Variants in COL4A6 observed in about 807,000 individuals in gnomAD.
COL4A6 encodes collagen alpha-6(IV) chain.
COL4A6 carries 59 observed loss-of-function variants against 126.7 expected under a neutral mutation model. That is an observed-to-expected ratio of 0.47 (90% CI 0.38 to 0.58). The LOEUF (loss-of-function observed/expected upper bound fraction) is 0.58, where lower values mean the gene tolerates loss of function less well. Ranked by LOEUF, COL4A6 falls within the 20% of genes least tolerant of loss-of-function variation. COL4A6 has a pLI of 0.00. For missense variants in COL4A6, 1,285 were observed against 1,337.3 expected, an observed-to-expected ratio of 0.96 and a Z score of 0.61; for synonymous variants, 547 against 496.6, an observed-to-expected ratio of 1.10 and a Z score of -1.35.
intron 2 of COL4A6, among the ~76,000 whole-genome samples, chrX:108,355,670 T>C (rs1569440564): frequency 8.9e-6 from 1 of 112,035 alleles, no homozygotes; most frequent in Non-Finnish European, 1.9e-5. Flanking sequence ...GGACAGGGAA[T>C]GCCTCCCTGA....
chrX:108,351,262 T>G (rs1317093927), intron 2 of COL4A6, among the ~76,000 whole-genome samples: 4 of 111,671 alleles, frequency 3.6e-5, no homozygotes, highest in African/African-American at 1.3e-4. Flanking sequence ...ATGCTAACAG[T>G]GGCTATTTTC....
At chrX:108,236,481 G>C (rs901080924) in intron 3 of COL4A6, among the ~76,000 whole-genome samples, 1 of 111,745 alleles carries the variant, frequency 8.9e-6, no homozygotes, top group South Asian at 3.9e-4. Flanking sequence ...CTGCCAGGTA[G>C]CTGCTCCAGG....
At chrX:108,219,065 G>A (rs1192655812) in intron 5 of COL4A6, among the ~76,000 whole-genome samples, 1 of 112,335 alleles carries the variant, frequency 8.9e-6, no homozygotes, top group African/African-American at 3.2e-5. Context: ...GATACAGGAT[G>A]AAAATAGAGA....
intron 8 of COL4A6, among the ~76,000 whole-genome samples, chrX:108,207,824 C>T (rs1321386014): frequency 6.3e-5 from 7 of 110,594 alleles, no homozygotes; most frequent in Non-Finnish European, 1.1e-4. Context: ...CCATTTTATA[C>T]GAGGGATTTG....
At chrX:108,210,530 T>C (rs1205082589) in intron 7 of COL4A6, among the ~76,000 whole-genome samples, 2 of 112,749 alleles carry the variant, frequency 1.8e-5, no homozygotes, top group Non-Finnish European at 3.7e-5. Flanking sequence ...TGAAAATTGT[T>C]GTGTTCCACT....
chrX:108,226,764 A>G (rs995109461), intron 3 of COL4A6, among the ~76,000 whole-genome samples: 2 of 111,089 alleles, frequency 1.8e-5, no homozygotes, highest in Non-Finnish European at 3.8e-5. Flanking sequence ...GGGGTCCTCC[A>G]TGACCCTTCC....
chrX:108,183,977 G>T (rs5929104), intron 23 of COL4A6, among the ~76,000 whole-genome samples: 2,518 of 111,476 alleles, frequency 0.023, 34 homozygotes, highest in Non-Finnish European at 0.038. Context: ...TGAGCATCTG[G>T]AACAGAGCCT....
intron 2 of COL4A6, among the ~76,000 whole-genome samples, chrX:108,402,325 T>C (rs752646200): frequency 3.6e-5 from 4 of 111,833 alleles, no homozygotes; most frequent in Non-Finnish European, 7.6e-5. Flanking sequence ...CCTCTTATCA[T>C]ATTTTCAATA....
At chrX:108,341,852 A>G (rs1294731005) in intron 2 of COL4A6, among the ~76,000 whole-genome samples, 1 of 112,177 alleles carries the variant, frequency 8.9e-6, no homozygotes, top group Admixed American at 9.5e-5. Context: ...TGAGAATTTG[A>G]TGAATAAAAT....
intron 2 of COL4A6, among the ~76,000 whole-genome samples, chrX:108,319,998 C>A (rs1221923931): frequency 2.7e-5 from 3 of 111,402 alleles, no homozygotes; most frequent in Non-Finnish European, 3.8e-5. Context: ...AAAGTTCATC[C>A]ACAGTGACAG....
At chrX:108,367,327 G>A (rs1181169713) in intron 2 of COL4A6, among the ~76,000 whole-genome samples, 1 of 111,693 alleles carries the variant, frequency 9.0e-6, no homozygotes, top group African/African-American at 3.3e-5. Flanking sequence ...GGTACTTTGT[G>A]CACTGTCTGG....
intron 2 of COL4A6, among the ~76,000 whole-genome samples, chrX:108,427,838 A>G (rs1233989050): frequency 8.9e-6 from 1 of 112,169 alleles, no homozygotes; most frequent in Non-Finnish European, 1.9e-5. Context: ...AGCACAGTAG[A>G]GTGGGCTTTA....
intron 3 of COL4A6, among the ~76,000 whole-genome samples, chrX:108,279,572 T>G (rs905456810): frequency 9.0e-6 from 1 of 111,289 alleles, no homozygotes; most frequent in Non-Finnish European, 1.9e-5. Context: ...CTGTCAACAT[T>G]AGACAGATCA....
intron 2 of COL4A6, among the ~76,000 whole-genome samples, chrX:108,385,360 TA>T (rs1249804348): frequency 9.0e-6 from 1 of 110,757 alleles, no homozygotes; most frequent in East Asian, 2.9e-4. Context: ...AAAATCTAAA[TA>T]AAAAACACGA....
At chrX:108,236,170 A>G (rs899888530) in intron 3 of COL4A6, among the ~76,000 whole-genome samples, 1 of 111,766 alleles carries the variant, frequency 8.9e-6, no homozygotes, top group African/African-American at 3.3e-5. Context: ...TGAGTGGAAA[A>G]CAAATCTTCA....
chrX:108,252,410 T>C (rs1172328110), intron 3 of COL4A6, among the ~76,000 whole-genome samples: 1 of 111,828 alleles, frequency 8.9e-6, no homozygotes, highest in African/African-American at 3.2e-5. Flanking sequence ...TGATTCTATA[T>C]GTCGGGTATT....
intron 2 of COL4A6, among the ~76,000 whole-genome samples, chrX:108,312,352 A>G (rs892435079): frequency 8.9e-6 from 1 of 112,140 alleles, no homozygotes; most frequent in Non-Finnish European, 1.9e-5. Flanking sequence ...AAATATTACT[A>G]TTTTAGATTC....
intron 37 of COL4A6, 64 bp from the exon 38 acceptor site, chrX:108,165,550 TCAGAGAAAATGGAAGCTCACA>T (rs1474663803): frequency 3.0e-5 from 24 of 796,880 alleles, no homozygotes; most frequent in African/African-American, 6.3e-5. Flanking sequence ...CCAGGCTCTT[TCAGAGAAAATGGAAGCTCACA>T]CAGAGAAAAT....
intron 44 of COL4A6, among the ~76,000 whole-genome samples, chrX:108,159,170 T>C (rs2033836283): frequency 9.0e-6 from 1 of 111,533 alleles, no homozygotes; most frequent in Non-Finnish European, 1.9e-5. Context: ...GTTTTGCTCT[T>C]CCCTTGGGTG....
Sources: allele counts gnomAD v4.1 joint callset (sites outside exome capture counted in the v4.1 genomes callset), GRCh38; gene constraint gnomAD v4.1.1; transcripts MANE v1.5; gene names NCBI Gene and HGNC (gene_info 2026-07-23, HGNC 2026-07-21).